The following PKNOX2 variants were observed in gnomAD, a reference collection of about 807,000 sequenced individuals.
The protein encoded by PKNOX2 is PBX/knotted 1 homeobox 2, also known as homeobox protein PKNOX2.
A neutral mutation model predicts 53.1 loss-of-function variants in PKNOX2; 14 were observed. That is an observed-to-expected ratio of 0.26 (90% CI 0.17 to 0.41). PKNOX2 has a LOEUF of 0.41. Ranked by LOEUF, PKNOX2 falls within the 10% of genes least tolerant of loss-of-function variation. The pLI, the probability that PKNOX2 is intolerant of heterozygous loss-of-function variation, is 1.00. For missense variants in PKNOX2, 496 were observed against 602.8 expected, an observed-to-expected ratio of 0.82 and a Z score of 1.85; for synonymous variants, 257 against 242.8, an observed-to-expected ratio of 1.06 and a Z score of -0.54.
At chr11:125,268,721 A>G (rs1945546482) in intron 2 of PKNOX2, among the ~76,000 whole-genome samples, 1 of 150,776 alleles carries the variant, frequency 6.6e-6, no homozygotes, top group African/African-American at 2.4e-5. Flanking sequence ...TCTTGTTTCA[A>G]GAAGACATCA....
rs201004607 is a variant in PKNOX2 at position 125,411,458 on chromosome 11, GTCTT to G, written c.817-284_817-281del. 1,233 of 321,290 alleles carry G rather than the reference GTCTT, an allele frequency of 3.8e-3. 51 individuals are homozygous for G. The African/African-American group carries it at 0.05, about 13-fold the overall frequency. The allele number at this position is 321,290 out of a possible 1,614,324, so 19.9% of individuals were successfully genotyped here. A position where few individuals can be genotyped will look rare whatever the true frequency, so the allele number is the denominator to read the frequency against. On this transcript the variant is annotated intron_variant, in intron 9 of 12. Coordinates refer to ENST00000298282, the MANE Select transcript of PKNOX2 (RefSeq NM_001382323.2). Reference sequence around the variant, plus strand: ...CTCTCTGCATGGCCCTGTTTCCTCTGTCTTTCTCTCTCTCTCTCTCTCTCTCTCT... The same window carrying G: ...CTCTCTGCATGGCCCTGTTTCCTCTGTCTCTCTCTCTCTCTCTCTCTCTCT...
At chr11:125,315,751 G>C (rs766434521) in intron 2 of PKNOX2, among the ~76,000 whole-genome samples, 1 of 152,154 alleles carries the variant, frequency 6.6e-6, no homozygotes, top group Non-Finnish European at 1.5e-5. Flanking sequence ...AAGCCTTAGT[G>C]TTTGGCTCAA....
chr11:125,324,336 T>G (rs956828163), intron 2 of PKNOX2, among the ~76,000 whole-genome samples: 1 of 152,166 alleles, frequency 6.6e-6, no homozygotes, highest in African/African-American at 2.4e-5. Context: ...AAATAATAAA[T>G]TGGATAATAT....
At chr11:125,195,990 G>GGT (rs1325958387) in intron 1 of PKNOX2, among the ~76,000 whole-genome samples, 2 of 151,640 alleles carry the variant, frequency 1.3e-5, no homozygotes, top group Admixed American at 6.6e-5. Context: ...GCCTCAGGCC[G>GGT]GTCCCCTCCC....
chr11:125,378,601 G>A (rs1952989646), intron 5 of PKNOX2, among the ~76,000 whole-genome samples: 1 of 152,224 alleles, frequency 6.6e-6, no homozygotes, highest in Non-Finnish European at 1.5e-5. Context: ...TCCAAGGTCA[G>A]TCACAGGAAA....
intron 2 of PKNOX2, among the ~76,000 whole-genome samples, chr11:125,309,147 C>A (rs1404452092): frequency 6.6e-6 from 1 of 150,480 alleles, no homozygotes; most frequent in Non-Finnish European, 1.5e-5. Flanking sequence ...TTCTTTCTTT[C>A]TTTCTTTCTT....
rs1266689640 is a variant in PKNOX2 at position 125,165,954 on chromosome 11, G to C, written c.-201+1178G>C. ...CGAGCGAAATGGGCCGTCCTTTCCC[G>C]GGGCTCTTCACGGGGGAGCCGGGGG... On this transcript the variant is annotated intron_variant, in intron 1 of 12. Transcript: ENST00000298282. This position sits in a 1 kb window ranked among gnomAD's most constrained non-coding sequence, Gnocchi z 4.5. Among the ~76,000 whole-genome samples, 3 of 152,278 alleles carry C rather than the reference G, an allele frequency of 2.0e-5. No individual in the cohort carries two copies. The East Asian group carries it at 5.8e-4, about 29-fold the overall frequency.
At chr11:125,169,088 A>G (rs1955095976) in intron 1 of PKNOX2, among the ~76,000 whole-genome samples, 1 of 152,170 alleles carries the variant, frequency 6.6e-6, no homozygotes, top group Non-Finnish European at 1.5e-5. Context: ...GCTGTAAGAT[A>G]TATATAAACG....
At chr11:125,291,128 A>G (rs1008935970) in intron 2 of PKNOX2, among the ~76,000 whole-genome samples, 2 of 152,194 alleles carry the variant, frequency 1.3e-5, no homozygotes, top group Non-Finnish European at 2.9e-5. Flanking sequence ...TCCTGCAGAA[A>G]GAATAGGGGA....
chr11:125,428,866 G>C (rs572297806), intron 10 of PKNOX2, 146 bp from the exon 11 acceptor site: 2 of 731,076 alleles, frequency 2.7e-6, no homozygotes, highest in Admixed American at 4.9e-5. Flanking sequence ...TCTCTGTGGG[G>C]AGCAAACATG....
At chr11:125,310,433 T>G (rs1187926904) in intron 2 of PKNOX2, among the ~76,000 whole-genome samples, 1 of 151,724 alleles carries the variant, frequency 6.6e-6, no homozygotes, top group East Asian at 1.9e-4. Context: ...AGGCGGAGGT[T>G]GCAGTGAGCC....
intron 1 of PKNOX2, among the ~76,000 whole-genome samples, chr11:125,174,856 C>T (rs567131524): frequency 6.6e-6 from 1 of 152,258 alleles, no homozygotes; most frequent in African/African-American, 2.4e-5. Context: ...GCCCCTCTCC[C>T]ACTCTGCCCC....
intron 5 of PKNOX2, among the ~76,000 whole-genome samples, chr11:125,383,829 T>C (rs1031082062): frequency 1.3e-5 from 2 of 152,214 alleles, no homozygotes; most frequent in Non-Finnish European, 2.9e-5. Flanking sequence ...CAGAAAGTTC[T>C]GTTGCACAGC....
rs778414507 is a variant in PKNOX2 at position 125,398,072 on chromosome 11, A to G, written c.588+10A>G. ...CAACCTTCACTCACAGGTAACACCC[A>G]GAGCTGGGTCCCATCTCTTAAGCCA... is the stretch of plus-strand genomic sequence containing the variant. On this transcript the variant is annotated intron_variant, in intron 7 of 12. Coordinates refer to ENST00000298282, the MANE Select transcript of PKNOX2 (RefSeq NM_001382323.2). The G allele has an allele frequency of 6.2e-7, 1 of 1,604,442 alleles. No homozygotes were observed. Among genetic ancestry groups the G allele is most frequent in the Non-Finnish European group, 8.5e-7 (1 of 1,175,300 alleles).
chr11:125,291,325 CT>C (rs1476680552), intron 2 of PKNOX2, among the ~76,000 whole-genome samples: 2 of 152,150 alleles, frequency 1.3e-5, no homozygotes, highest in African/African-American at 4.8e-5. Context: ...TCCCACTAGA[CT>C]TTATTCTAAT....
intron 1 of PKNOX2, among the ~76,000 whole-genome samples, chr11:125,227,793 C>T (rs533426772): frequency 3.3e-5 from 5 of 152,224 alleles, no homozygotes; most frequent in Admixed American, 6.5e-5. Flanking sequence ...TTATTTTCTG[C>T]TGTCCCTTAA....
At chr11:125,310,316 G>A (rs1162872622) in intron 2 of PKNOX2, among the ~76,000 whole-genome samples, 1 of 151,944 alleles carries the variant, frequency 6.6e-6, no homozygotes, top group Admixed American at 6.6e-5. Context: ...GCAACATGGT[G>A]AAACCACATC....
chr11:125,231,963 A>G (rs777874477), intron 1 of PKNOX2, among the ~76,000 whole-genome samples: 6 of 152,202 alleles, frequency 3.9e-5, no homozygotes, highest in Non-Finnish European at 8.8e-5. Flanking sequence ...ACATGCTTTG[A>G]GCAGCTTCTC....
chr11:125,335,778 A>G (rs1291055106), intron 3 of PKNOX2, among the ~76,000 whole-genome samples: 1 of 152,110 alleles, frequency 6.6e-6, no homozygotes, highest in Non-Finnish European at 1.5e-5. Context: ...TGATTGCTCC[A>G]CTGTACTCCA....
Sources: allele counts gnomAD v4.1 joint callset (sites outside exome capture counted in the v4.1 genomes callset), GRCh38; gene constraint gnomAD v4.1.1; non-coding constraint Gnocchi (gnomAD v3.1); transcripts MANE v1.5; gene names NCBI Gene and HGNC (gene_info 2026-07-23, HGNC 2026-07-21).